PABIR2: variants seen among roughly 807,000 people sequenced by gnomAD.
PABIR2 encodes PABIR family member 2.
In PABIR2, 7 loss-of-function variants were observed where a neutral mutation model predicts 22.8. The observed-to-expected ratio is 0.31, with a 90% CI of 0.17 to 0.58. PABIR2 has a LOEUF of 0.58. Among genes scored for constraint, PABIR2 ranks in the 20% least tolerant of loss-of-function variants. The pLI, the probability that PABIR2 is intolerant of heterozygous loss-of-function variation, is 0.89. For missense variants in PABIR2, 155 were observed against 205.1 expected, an observed-to-expected ratio of 0.76 and a Z score of 1.49; for synonymous variants, 67 against 73.8, an observed-to-expected ratio of 0.91 and a Z score of 0.47.
Position 134,771,449 on chromosome X carries a change from T to C in PABIR2, c.*690A>G. 2 of 1,085,185 alleles carry C rather than the reference T, an allele frequency of 1.8e-6. No homozygotes were observed. The highest frequency in any genetic ancestry group is 1.2e-6 in the Non-Finnish European group (1 of 840,247). The allele number at this position is 1,085,185 out of a possible 1,213,427, so 89.4% of individuals were successfully genotyped here. The stretch of plus-strand genomic sequence containing the variant: ...GTAGCAAAGTCATAAGAACCTGTGA[T>C]GACTAATCCAAGCATCCTGTAAGTC... On this transcript the variant is annotated 3_prime_UTR_variant, in exon 10 of 10. Coordinates refer to ENST00000343004, the MANE Select transcript of PABIR2 (RefSeq NM_001387468.1).
rs139980881 is a variant in PABIR2 at position 134,782,701 on chromosome X, A to T, written c.563-784T>A. Reference sequence around the variant, plus strand: ...TGAGCTTGAAAACGGAATGTTCAAGACAATTTAATTCATGAGCCTGTCTAT... The same window carrying T: ...TGAGCTTGAAAACGGAATGTTCAAGTCAATTTAATTCATGAGCCTGTCTAT... On this transcript the variant is annotated intron_variant, in intron 8 of 9. Transcript: ENST00000343004. 9.1e-3 allele frequency among the ~76,000 whole-genome samples: 1,017 copies of T among 112,120 alleles called. 7 individuals carry two copies. Among genetic ancestry groups the T allele is most frequent in the South Asian group, 0.02 (55 of 2,693 alleles).
chrX:134,788,704 A>C (rs747141847), intron 6 of PABIR2, 26 bp downstream of exon 6: 49 of 1,159,893 alleles, frequency 4.2e-5, no homozygotes, highest in East Asian at 6.0e-5. Context: ...TGTGAAATAC[A>C]CTTAATATCT....
At chrX:134,777,500 T>C in intron 9 of PABIR2, among the ~76,000 whole-genome samples, 1 of 92,433 alleles carries the variant, frequency 1.1e-5, no homozygotes, top group East Asian at 3.3e-4. Flanking sequence ...TACTCTAGTC[T>C]GGGCAATAGA....
rs190354516 is a variant in PABIR2, at chrX:134,788,127, G to A, written c.436-594C>T. Among the ~76,000 whole-genome samples, 89 of 98,672 alleles carry A rather than the reference G, an allele frequency of 9.0e-4. 1 individual carries two copies. Among genetic ancestry groups the A allele is most frequent in the African/African-American group, 3.3e-3 (86 of 26,271 alleles). 85.7% of individuals were successfully genotyped at this position (98,672 alleles called of 115,157 possible). A position where few individuals can be genotyped will look rare whatever the true frequency, so the allele number is the denominator to read the frequency against. On this transcript the variant is annotated intron_variant, in intron 6 of 9. Transcript: ENST00000343004. ...CGTTATATATGTGTAATATATACAC[G>A]TTATATATGTGTAATATATACGTTA...
intron 9 of PABIR2, among the ~76,000 whole-genome samples, chrX:134,773,845 A>G (rs1459378865): frequency 9.0e-6 from 1 of 111,644 alleles, no homozygotes; most frequent in Non-Finnish European, 1.9e-5. Flanking sequence ...TGAATGTCCA[A>G]GTTAATGTAC....
chrX:134,789,621 G>A lies in PABIR2; in HGVS notation c.193C>T (p.Pro65Ser), dbSNP rs1295361713. ...AGTCTGCTACTAGGAATACGATTAG[G>A]TGAGGATGACAGCAACTGGAAAGAA... ...SRHSLLLSSS[P>S]NRIPSSRLHQ... Residue 65 changes from proline to serine, a missense_variant, in exon 3 of 10, where the codon CCT becomes TCT. Coordinates refer to ENST00000343004, the MANE Select transcript of PABIR2 (RefSeq NM_001387468.1). The A allele has an allele frequency of 8.7e-7, 1 of 1,152,959 alleles. No homozygotes were observed. The highest frequency in any genetic ancestry group is 1.1e-6 in the Non-Finnish European group (1 of 871,224).
intron 6 of PABIR2, 53 bp from the exon 7 acceptor site, chrX:134,787,586 A>G (rs2079369621): frequency 2.4e-6 from 2 of 829,535 alleles, no homozygotes. Context: ...ATATTAAAAT[A>G]GTTCTAGCAC....
chrX:134,796,858 C>T lies in PABIR2; in HGVS notation c.-653G>A, dbSNP rs894741668. ...GGCAGCGCTAGCACCGAGGACCTGA[C>T]AGTCGGGTAGGACCCGGCCGGGCGG... On this transcript the variant is annotated 5_prime_UTR_variant, in exon 1 of 10. Coordinates refer to ENST00000343004, the MANE Select transcript of PABIR2 (RefSeq NM_001387468.1). 1 of 112,264 alleles carries T rather than the reference C, an allele frequency of 8.9e-6. No individual in the cohort carries two copies. The highest frequency in any genetic ancestry group is 9.3e-5 in the Admixed American group (1 of 10,803). The allele number at this position is 112,264 out of a possible 1,213,427, so 9.3% of individuals were successfully genotyped here. A position where few individuals can be genotyped will look rare whatever the true frequency, so the allele number is the denominator to read the frequency against.
chrX:134,788,498 C>CGTTATATATGTAATATATAT (rs2079441391), intron 6 of PABIR2, among the ~76,000 whole-genome samples: 1 of 102,572 alleles, frequency 9.7e-6, no homozygotes, highest in African/African-American at 3.6e-5. Flanking sequence ...GTAATATATA[C>CGTTATATATGTAATATATAT]GTTATATATG....
At position 134,771,027 on chromosome X, in the gene PABIR2, A is replaced by G. The variant is rs2078829667; in HGVS notation, c.*1112T>C. 3.8e-6 allele frequency: 1 copy of G among 259,869 alleles called. No individual in the cohort carries two copies. The allele number at this position is 259,869 out of a possible 1,213,427, so 21.4% of individuals were successfully genotyped here. On this transcript the variant is annotated 3_prime_UTR_variant, in exon 10 of 10. Transcript: ENST00000343004. ...ACAAGAACTGGATTCTGATTCTGGC[A>G]GCAACACAATAACTAAAACACCATT...
In PABIR2 at chrX:134,791,643, G is replaced by A. The variant is rs745447177; in HGVS notation, c.178-2007C>T. 19 of 329,058 alleles carry A rather than the reference G, an allele frequency of 5.8e-5. No homozygotes were observed. In the East Asian group the frequency reaches 1.9e-3, roughly 32 times the overall value. 27.1% of individuals were successfully genotyped at this position (329,058 alleles called of 1,213,427 possible). A position where few individuals can be genotyped will look rare whatever the true frequency, so the allele number is the denominator to read the frequency against. On this transcript the variant is annotated intron_variant, in intron 2 of 9. Coordinates refer to ENST00000343004, the MANE Select transcript of PABIR2 (RefSeq NM_001387468.1). ...TCAAAAGCATATGAACCATTGGGGA[G>A]AAATGCCATATGTGAAGCTAAAGGC...
chrX:134,782,017 T>A (rs2079170159), intron 8 of PABIR2, 100 bp from the exon 9 acceptor site: 1 of 473,236 alleles, frequency 2.1e-6, no homozygotes, highest in African/African-American at 2.4e-5. Flanking sequence ...TCAGAATACT[T>A]CTTCAAACCA....
At chrX:134,786,243 G>T (rs769382054) in intron 7 of PABIR2, among the ~76,000 whole-genome samples, 2 of 111,946 alleles carry the variant, frequency 1.8e-5, no homozygotes, top group South Asian at 7.4e-4. Context: ...GGGCTGGGCC[G>T]CAGTGACTCA....
intron 6 of PABIR2, among the ~76,000 whole-genome samples, chrX:134,787,796 A>AT (rs1176576789): frequency 4.6e-4 from 42 of 91,967 alleles, no homozygotes; most frequent in East Asian, 9.9e-4. Flanking sequence ...TTTTGTATCT[A>AT]TTTTTTTTTT....
chrX:134,782,013 T>C (rs1210739348), intron 8 of PABIR2, 96 bp from the exon 9 acceptor site: 12 of 525,546 alleles, frequency 2.3e-5, no homozygotes, highest in Non-Finnish European at 3.0e-5. Flanking sequence ...AAGCTCAGAA[T>C]ACTTCTTCAA....
chrX:134,789,195 C>T, intron 4 of PABIR2, 28 bp downstream of exon 4: 1 of 1,211,949 alleles, frequency 8.3e-7, no homozygotes. Context: ...ACTTATTAGG[C>T]TAGGCCCTGC....
chrX:134,780,677 G>A (rs753658955), intron 9 of PABIR2, among the ~76,000 whole-genome samples: 7 of 112,433 alleles, frequency 6.2e-5, no homozygotes, highest in Non-Finnish European at 1.1e-4. Context: ...TCAGTGAGTT[G>A]ATCAGAACAT....
intron 9 of PABIR2, among the ~76,000 whole-genome samples, chrX:134,775,012 A>G (rs188133825): frequency 8.9e-6 from 1 of 112,356 alleles, no homozygotes; most frequent in African/African-American, 3.2e-5. Flanking sequence ...AAAAGCAACA[A>G]GTTCTGGTCT....
At chrX:134,793,202 G>T (rs145712360) in intron 2 of PABIR2, among the ~76,000 whole-genome samples, 1 of 111,760 alleles carries the variant, frequency 8.9e-6, no homozygotes, top group Non-Finnish European at 1.9e-5. Flanking sequence ...GCCATTTAGG[G>T]ATCTATCTTC....
Sources: allele counts gnomAD v4.1 joint callset (sites outside exome capture counted in the v4.1 genomes callset), GRCh38; gene constraint gnomAD v4.1.1; transcripts MANE v1.5; gene names NCBI Gene and HGNC (gene_info 2026-07-23, HGNC 2026-07-21).